MACROD2: variants seen among roughly 807,000 people sequenced by gnomAD.
MACROD2 encodes ADP-ribose glycohydrolase MACROD2.
MACROD2 carries 36 observed loss-of-function variants against 70.4 expected under a neutral mutation model. The ratio of observed to expected loss-of-function variants is 0.51; its 90% CI spans 0.39 to 0.68. The LOEUF (loss-of-function observed/expected upper bound fraction) is 0.68. Ranked by LOEUF, MACROD2 falls within the 30% of genes least tolerant of loss-of-function variation. The pLI is 0.00. For synonymous variants in MACROD2, 172 were observed against 178.8 expected, an observed-to-expected ratio of 0.96 and a Z score of 0.30; for missense variants, 496 against 538.4, an observed-to-expected ratio of 0.92 and a Z score of 0.78.
chr20:14,840,004 A>G (rs139169056), intron 5 of MACROD2, among the ~76,000 whole-genome samples: 65 of 150,476 alleles, frequency 4.3e-4, no homozygotes, highest in African/African-American at 1.2e-3. Context: ...TGCAGCTAGT[A>G]TATAAAACAT....
intron 5 of MACROD2, among the ~76,000 whole-genome samples, chr20:15,210,304 G>T (rs187032514): frequency 6.6e-6 from 1 of 152,286 alleles, no homozygotes; most frequent in East Asian, 1.9e-4. Flanking sequence ...GACTCCAGTG[G>T]CAAAGGTTTA....
intron 5 of MACROD2, among the ~76,000 whole-genome samples, chr20:14,909,576 T>A (rs1306779375): frequency 6.6e-6 from 1 of 151,926 alleles, no homozygotes; most frequent in Admixed American, 6.6e-5. Flanking sequence ...AGATAACCTA[T>A]ATAAGCCACC....
intron 2 of MACROD2, among the ~76,000 whole-genome samples, chr20:14,068,905 T>C (rs1233261285): frequency 6.6e-6 from 1 of 152,184 alleles, no homozygotes; most frequent in African/African-American, 2.4e-5. Context: ...ATAAATTTTT[T>C]AACTTGACCA....
chr20:15,065,279 T>C (rs1296620713), intron 5 of MACROD2, among the ~76,000 whole-genome samples: 1 of 152,102 alleles, frequency 6.6e-6, no homozygotes, highest in East Asian at 1.9e-4. Context: ...TCAGATAGAC[T>C]GGTACATGGA....
At chr20:15,520,358 T>TC (rs1242807828) in intron 8 of MACROD2, among the ~76,000 whole-genome samples, 1 of 152,170 alleles carries the variant, frequency 6.6e-6, no homozygotes, top group Non-Finnish European at 1.5e-5. Context: ...ATGGAGACCT[T>TC]CCCCAACATG....
intron 2 of MACROD2, among the ~76,000 whole-genome samples, chr20:14,084,201 G>C (rs2054045853): frequency 6.6e-6 from 1 of 150,716 alleles, no homozygotes; most frequent in Non-Finnish European, 1.5e-5. Context: ...TTTTTTTTTG[G>C]GGAGGGTGTA....
intron 4 of MACROD2, among the ~76,000 whole-genome samples, chr20:14,634,702 G>T (rs1468968806): frequency 6.6e-6 from 1 of 152,134 alleles, no homozygotes; most frequent in South Asian, 2.1e-4. Context: ...AAGACCTCTG[G>T]TTTTCAATGC....
Position 15,114,445 on chromosome 20 carries a change from C to T in MACROD2, c.419-115495C>T, listed in dbSNP as rs572473181. 6.7e-4 allele frequency among the ~76,000 whole-genome samples: 102 copies of T among 152,126 alleles called. 1 individual carries two copies. Among genetic ancestry groups the T allele is most frequent in the Non-Finnish European group, 8.8e-5 (6 of 67,988 alleles). ...GAGGGGGATGCCAAGGAATGGGCCA[C>T]CTAAGGAGGTGAGAGTAGTTCTTGG... On this transcript the variant is annotated intron_variant, in intron 5 of 17. Transcript: ENST00000684519.
chr20:15,017,737 C>T (rs2075132844), intron 5 of MACROD2, among the ~76,000 whole-genome samples: 1 of 152,226 alleles, frequency 6.6e-6, no homozygotes, highest in African/African-American at 2.4e-5. Context: ...TGTGCACCTG[C>T]AGGCTCAACA....
At chr20:15,541,112 A>G (rs956619204) in intron 8 of MACROD2, among the ~76,000 whole-genome samples, 6 of 152,222 alleles carry the variant, frequency 3.9e-5, no homozygotes, top group Non-Finnish European at 8.8e-5. Flanking sequence ...ACACAAAGAT[A>G]AACCAGTGTT....
chr20:14,111,295 G>C (rs1380280504), intron 3 of MACROD2, among the ~76,000 whole-genome samples: 1 of 151,962 alleles, frequency 6.6e-6, no homozygotes, highest in Admixed American at 6.6e-5. Flanking sequence ...CCAGGATATT[G>C]GTCTGGGCAA....
intron 5 of MACROD2, among the ~76,000 whole-genome samples, chr20:14,714,056 A>G (rs997662954): frequency 2.8e-4 from 42 of 152,152 alleles, no homozygotes; most frequent in Non-Finnish European, 2.1e-4. Context: ...TACTTTGGAC[A>G]AAGTGGGGCT....
intron 3 of MACROD2, among the ~76,000 whole-genome samples, chr20:14,199,184 G>T (rs1055479618): frequency 6.6e-6 from 1 of 152,128 alleles, no homozygotes; most frequent in Admixed American, 6.5e-5. Flanking sequence ...TAAAATGATG[G>T]TTCTCTTCAG....
At chr20:14,415,183 G>A (rs2122877022) in intron 3 of MACROD2, among the ~76,000 whole-genome samples, 1 of 152,266 alleles carries the variant, frequency 6.6e-6, no homozygotes, top group South Asian at 2.1e-4. Flanking sequence ...ACGAAAGGAA[G>A]TATTATTAGG....
intron 4 of MACROD2, among the ~76,000 whole-genome samples, chr20:14,578,561 T>A (rs1232787358): frequency 6.6e-6 from 1 of 151,814 alleles, no homozygotes; most frequent in Non-Finnish European, 1.5e-5. Context: ...CCTTCATTCC[T>A]CCTTTTACAT....
At chr20:14,110,194 A>G (rs1225455301) in intron 3 of MACROD2, among the ~76,000 whole-genome samples, 1 of 151,908 alleles carries the variant, frequency 6.6e-6, no homozygotes, top group African/African-American at 2.4e-5. Flanking sequence ...CGTTTGTAAA[A>G]GATCTAAAAA....
At chr20:15,516,777 C>A (rs539053650) in intron 8 of MACROD2, among the ~76,000 whole-genome samples, 5 of 152,270 alleles carry the variant, frequency 3.3e-5, no homozygotes, top group Admixed American at 2.0e-4. Context: ...TTTTCACTAA[C>A]CTCTAGTTAA....
intron 6 of MACROD2, among the ~76,000 whole-genome samples, chr20:15,231,174 G>T (rs1373131325): frequency 6.6e-6 from 1 of 151,876 alleles, no homozygotes; most frequent in Non-Finnish European, 1.5e-5. Flanking sequence ...TAATTATATA[G>T]CCCTTTTTAA....
intron 4 of MACROD2, among the ~76,000 whole-genome samples, chr20:14,582,650 T>G (rs1031452898): frequency 6.6e-6 from 1 of 152,160 alleles, no homozygotes; most frequent in Non-Finnish European, 1.5e-5. Flanking sequence ...AGGCAAGCAC[T>G]TTACAGTTAG....
Sources: gnomAD v4.1 joint callset for allele counts (sites outside exome capture counted in the v4.1 genomes callset) on GRCh38, gnomAD v4.1.1 for gene constraint, MANE v1.5 for transcripts, NCBI Gene and HGNC (gene_info 2026-07-23, HGNC 2026-07-21) for gene names.